The following DLGAP2 variants were observed in gnomAD, a reference collection of about 807,000 sequenced individuals.
DLGAP2 encodes DLG associated protein 2.
In DLGAP2, 26 loss-of-function variants were observed where a neutral mutation model predicts 100.3. The ratio of observed to expected loss-of-function variants is 0.26; its 90% confidence interval spans 0.19 to 0.36. DLGAP2 has a LOEUF of 0.36. DLGAP2 is among the 10% of genes least tolerant of loss of function. DLGAP2 has a pLI of 1.00. For missense variants in DLGAP2, 1,858 were observed against 1,453.2 expected, an observed-to-expected ratio of 1.28 and a Z score of -4.53; for synonymous variants, 886 against 630.1, an observed-to-expected ratio of 1.41 and a Z score of -6.08.
chr8:1,271,346 T>C (rs920045794), intron 3 of DLGAP2, among the ~76,000 whole-genome samples: 47 of 152,206 alleles, frequency 3.1e-4, no homozygotes, highest in African/African-American at 1.1e-3. Flanking sequence ...CTGAAAATTA[T>C]GCTCTTTAAG....
chr8:1,519,182 G>C (rs1216075993), intron 4 of DLGAP2, among the ~76,000 whole-genome samples: 1 of 152,200 alleles, frequency 6.6e-6, no homozygotes, highest in African/African-American at 2.4e-5. Context: ...AACAGAAGGG[G>C]CTTCTGGAAA....
intron 3 of DLGAP2, among the ~76,000 whole-genome samples, chr8:1,320,775 C>T (rs1473767248): frequency 2.0e-5 from 3 of 152,204 alleles, no homozygotes; most frequent in Admixed American, 2.0e-4. Flanking sequence ...AAGCCATAGC[C>T]CCACAAGAAC....
intron 1 of DLGAP2, among the ~76,000 whole-genome samples, chr8:756,315 G>A (rs774684876): frequency 6.6e-6 from 1 of 152,142 alleles, no homozygotes; most frequent in African/African-American, 2.4e-5. Flanking sequence ...GTGTGGGCAG[G>A]TTGGGGCTGA....
intron 2 of DLGAP2, among the ~76,000 whole-genome samples, chr8:1,004,655 T>G (rs1801054334): frequency 6.6e-6 from 1 of 152,094 alleles, no homozygotes; most frequent in Non-Finnish European, 1.5e-5. Context: ...AGCTTAGAAG[T>G]GGTTACCAAC....
chr8:1,078,991 A>G (rs1453291569), intron 2 of DLGAP2, among the ~76,000 whole-genome samples: 2 of 152,228 alleles, frequency 1.3e-5, no homozygotes, highest in African/African-American at 2.4e-5. Context: ...TGGTTCTCCA[A>G]TTTGGCTGCA....
chr8:1,039,380 A>T (rs982935837), intron 2 of DLGAP2, among the ~76,000 whole-genome samples: 16 of 145,702 alleles, frequency 1.1e-4, no homozygotes, highest in African/African-American at 4.1e-4. Context: ...GTGCATGGTC[A>T]GCTCGGTTTC....
intron 2 of DLGAP2, among the ~76,000 whole-genome samples, chr8:1,064,012 T>C (rs982389872): frequency 5.3e-5 from 8 of 152,160 alleles, no homozygotes; most frequent in African/African-American, 1.9e-4. Context: ...GATGACATGG[T>C]TCTCCAGAAG....
intron 3 of DLGAP2, among the ~76,000 whole-genome samples, chr8:1,391,806 G>C (rs1796362080): frequency 6.6e-6 from 1 of 152,244 alleles, no homozygotes; most frequent in Non-Finnish European, 1.5e-5. Context: ...CCTTAGAAGA[G>C]GTCATTTCAT....
At chr8:1,446,505 T>C (rs1797989981) in intron 3 of DLGAP2, among the ~76,000 whole-genome samples, 1 of 152,198 alleles carries the variant, frequency 6.6e-6, no homozygotes, top group African/African-American at 2.4e-5. Context: ...CCTTGTAGTA[T>C]AGTTTGAAGT....
intron 3 of DLGAP2, among the ~76,000 whole-genome samples, chr8:1,339,701 C>T (rs534660163): frequency 2.6e-5 from 4 of 152,282 alleles, no homozygotes; most frequent in Admixed American, 2.0e-4. Context: ...TCCGGAGTCT[C>T]AGAGGCGAAG....
chr8:857,139 G>T (rs1024577093), intron 1 of DLGAP2, among the ~76,000 whole-genome samples: 4 of 152,222 alleles, frequency 2.6e-5, no homozygotes, highest in Admixed American at 2.6e-4. Flanking sequence ...CTTATCAACA[G>T]ATGGTGTGGA....
intron 3 of DLGAP2, among the ~76,000 whole-genome samples, chr8:1,458,864 T>A (rs1302440702): frequency 6.6e-6 from 1 of 152,192 alleles, no homozygotes; most frequent in African/African-American, 2.4e-5. Flanking sequence ...GGCGTCCCCA[T>A]GATATGGGGC....
chr8:1,030,758 G>A (rs1801948746), intron 2 of DLGAP2, among the ~76,000 whole-genome samples: 1 of 152,178 alleles, frequency 6.6e-6, no homozygotes, highest in Non-Finnish European at 1.5e-5. Context: ...GCTTCCTAGA[G>A]ACCCAGGTTA....
intron 6 of DLGAP2, among the ~76,000 whole-genome samples, chr8:1,613,714 C>G (rs1036945783): frequency 6.6e-6 from 1 of 152,154 alleles, no homozygotes; most frequent in African/African-American, 2.4e-5. Flanking sequence ...AGTTTAACAG[C>G]AGCAGTAAAG....
chr8:749,205 G>T, intron 1 of DLGAP2, among the ~76,000 whole-genome samples: 1 of 152,140 alleles, frequency 6.6e-6, no homozygotes, highest in Middle Eastern at 3.2e-3. Context: ...TGCCCAGTCT[G>T]GTCTCAAACT....
chr8:805,540 C>G (rs74514726), intron 1 of DLGAP2, among the ~76,000 whole-genome samples: 19,267 of 152,178 alleles, frequency 0.13, 1,396 homozygotes, highest in East Asian at 0.24. Flanking sequence ...TCACAATGCC[C>G]TTGTGTCAGT....
chr8:1,657,309 T>C (rs1251478533), intron 8 of DLGAP2, among the ~76,000 whole-genome samples: 1 of 152,218 alleles, frequency 6.6e-6, no homozygotes, highest in Non-Finnish European at 1.5e-5. Flanking sequence ...CAAATACATT[T>C]AATGTTTGAC....
intron 3 of DLGAP2, among the ~76,000 whole-genome samples, chr8:1,278,376 G>A (rs977904130): frequency 1.3e-5 from 2 of 152,162 alleles, no homozygotes; most frequent in African/African-American, 2.4e-5. Flanking sequence ...TGTCATCGGC[G>A]CAGTCGTGAG....
intron 1 of DLGAP2, among the ~76,000 whole-genome samples, chr8:903,636 C>T (rs1284363440): frequency 6.6e-6 from 1 of 152,094 alleles, no homozygotes; most frequent in East Asian, 1.9e-4. Context: ...GCCACTGAGA[C>T]CAAGAGCTTA....
Sources: gnomAD v4.1 joint callset for allele counts (sites outside exome capture counted in the v4.1 genomes callset) on GRCh38, gnomAD v4.1.1 for gene constraint, MANE v1.5 for transcripts, NCBI Gene and HGNC (gene_info 2026-07-23, HGNC 2026-07-21) for gene names.